Variants in VPS13D observed in about 807,000 individuals in gnomAD.
VPS13D encodes intermembrane lipid transfer protein VPS13D.
In VPS13D, 187 loss-of-function variants were observed where a neutral mutation model predicts 461.9. The observed-to-expected ratio is 0.40, with a 90% CI of 0.36 to 0.46. The LOEUF is 0.46. Among genes scored for constraint, VPS13D ranks in the 20% least tolerant of loss-of-function variants. The probability of loss-of-function intolerance (pLI) is 0.60; values close to 1 mark genes in which losing one functional copy is unlikely to be tolerated. For missense variants in VPS13D, 4,711 were observed against 5,364.9 expected (o/e 0.88, Z 3.81); for synonymous variants, 1,951 against 1,986.3 (o/e 0.98, Z 0.47).
At chr1:12,268,184 A>G (rs1284976101) in intron 15 of VPS13D, among the ~76,000 whole-genome samples, 1 of 150,292 alleles carries the variant, frequency 6.7e-6, no homozygotes, top group African/African-American at 2.5e-5. Flanking sequence ...TCCTGAGCTC[A>G]AGCCACCCAC....
intron 67 of VPS13D, 62 bp downstream of exon 67, chr1:12,460,458 T>A: frequency 6.9e-7 from 1 of 1,443,482 alleles, no homozygotes. Flanking sequence ...CTTCTCCTAA[T>A]CCATACTGAT....
chr1:12,387,659 G>A lies in VPS13D; in HGVS notation c.11634+1325G>A, dbSNP rs552321397. ...TAACTGTATTCTCTGTGTTCAAAAG[G>A]TTAAGTAGCAATATGGAAGACATAA... On this transcript the variant is annotated intron_variant, in intron 60 of 69. Coordinates refer to ENST00000620676, the MANE Select transcript of VPS13D (RefSeq NM_015378.4). 2.0e-5 allele frequency among the ~76,000 whole-genome samples: 3 copies of A among 152,304 alleles called. No individual in the cohort carries two copies. The East Asian group carries it at 5.8e-4, about 29-fold the overall frequency.
chr1:12,363,351 A>G (rs1421334085), intron 52 of VPS13D, 104 bp downstream of exon 52: 6 of 1,271,646 alleles, frequency 4.7e-6, no homozygotes, highest in Non-Finnish European at 6.5e-6. Flanking sequence ...TTTCTGGCTC[A>G]GACAGAGGTC....
At chr1:12,317,959 A>C (rs1642933982) in intron 30 of VPS13D, 113 bp from the exon 31 acceptor site, 3 of 1,047,518 alleles carry the variant, frequency 2.9e-6, no homozygotes, top group Admixed American at 2.3e-5. Context: ...CAAAGCAGGC[A>C]GTTTGGAAAA....
chr1:12,405,282 G>A (rs1218812978), intron 63 of VPS13D, among the ~76,000 whole-genome samples: 1 of 152,172 alleles, frequency 6.6e-6, no homozygotes. Context: ...ATTTTTATGT[G>A]GAATCTCCTG....
intron 61 of VPS13D, among the ~76,000 whole-genome samples, chr1:12,400,635 A>G (rs899431157): frequency 6.6e-6 from 1 of 152,152 alleles, no homozygotes; most frequent in Non-Finnish European, 1.5e-5. Flanking sequence ...AGGACCAGGC[A>G]TGATCCAGAT....
chr1:12,342,738 A>G (rs1643597397), intron 41 of VPS13D, 161 bp from the exon 42 acceptor site: 3 of 696,802 alleles, frequency 4.3e-6, no homozygotes, highest in South Asian at 3.6e-5. Context: ...GAAGATAGCT[A>G]TAGTTAGCGA....
chr1:12,249,497 A>T lies in VPS13D; in HGVS notation c.564+158A>T, dbSNP rs1034861793. 8 of 506,764 alleles carry T rather than the reference A, an allele frequency of 1.6e-5. No individual in the cohort carries two copies. In the African/African-American group the frequency reaches 1.6e-4, roughly 10 times the overall value. The allele number at this position is 506,764 out of a possible 1,614,324, so 31.4% of individuals were successfully genotyped here. A position where few individuals can be genotyped will look rare whatever the true frequency, so the allele number is the denominator to read the frequency against. ...TCTCTTGTGTATTTGCAACAAATCAAATTTGCTGAAATAGGGAAACAGGTA... is the reference window on the plus strand; with the variant it reads ...TCTCTTGTGTATTTGCAACAAATCATATTTGCTGAAATAGGGAAACAGGTA... On this transcript the variant is annotated intron_variant, in intron 6 of 69. Transcript: ENST00000620676.
chr1:12,249,830 T>C (rs992962953), intron 6 of VPS13D, among the ~76,000 whole-genome samples: 1 of 152,190 alleles, frequency 6.6e-6, no homozygotes, highest in African/African-American at 2.4e-5. Flanking sequence ...GTGAGGATTT[T>C]CCCCCACACG....
At chr1:12,332,485 G>T (rs1643356391) in intron 37 of VPS13D, among the ~76,000 whole-genome samples, 1 of 152,138 alleles carries the variant, frequency 6.6e-6, no homozygotes, top group South Asian at 2.1e-4. Context: ...TGCGCATGGG[G>T]ATTCCATTTA....
At chr1:12,262,460 G>T (rs933283264) in intron 13 of VPS13D, among the ~76,000 whole-genome samples, 2 of 152,150 alleles carry the variant, frequency 1.3e-5, no homozygotes, top group Non-Finnish European at 2.9e-5. Flanking sequence ...CTTTTCCTGG[G>T]CTAGAGATAG....
intron 65 of VPS13D, among the ~76,000 whole-genome samples, chr1:12,451,336 C>A (rs1337064911): frequency 6.6e-6 from 1 of 152,048 alleles, no homozygotes; most frequent in Non-Finnish European, 1.5e-5. Flanking sequence ...AGATTTTTAC[C>A]CCCTTGCTGA....
intron 67 of VPS13D, among the ~76,000 whole-genome samples, chr1:12,482,911 C>T (rs977958889): frequency 6.6e-6 from 1 of 151,926 alleles, no homozygotes; most frequent in Non-Finnish European, 1.5e-5. Flanking sequence ...TCATTTTTAA[C>T]ATTTACATAA....
chr1:12,346,657 G>A lies in VPS13D; in HGVS notation c.9069+5G>A, dbSNP rs2101585280. ...ATTATACATCCCCAGGTTTATGTAA[G>A]TATGATTTTCCTGTTGTCATTGTGT... On this transcript the variant is annotated splice_donor_5th_base_variant and intron_variant, in intron 44 of 69. Transcript: ENST00000620676. The A allele has an allele frequency of 1.2e-6, 2 of 1,612,428 alleles. No homozygotes were observed. Among genetic ancestry groups the A allele is most frequent in the Middle Eastern group, 1.7e-4 (1 of 6,052 alleles).
intron 21 of VPS13D, among the ~76,000 whole-genome samples, chr1:12,286,582 C>T (rs926075645): frequency 2.6e-5 from 4 of 152,172 alleles, no homozygotes; most frequent in African/African-American, 9.6e-5. Flanking sequence ...TGTTTGACTT[C>T]TTTTATCCTC....
chr1:12,259,559 C>T (rs542011107), intron 10 of VPS13D, among the ~76,000 whole-genome samples: 6 of 152,248 alleles, frequency 3.9e-5, no homozygotes, highest in African/African-American at 1.4e-4. Context: ...CCGCTTTGGC[C>T]TCCCAAAGTG....
chr1:12,507,614 T>G lies in VPS13D; in HGVS notation c.13035+521T>G, dbSNP rs1326655865. Among the ~76,000 whole-genome samples, 1 of 152,240 alleles carries G rather than the reference T, an allele frequency of 6.6e-6. No individual in the cohort carries two copies. The highest frequency in any genetic ancestry group is 2.4e-5 in the African/African-American group (1 of 41,466). ...GGACAAGGTATTGTTATGACAAGGCTTTTAAATAATAAAGCTCCTGCGAAT... is the reference window on the plus strand; with the variant it reads ...GGACAAGGTATTGTTATGACAAGGCGTTTAAATAATAAAGCTCCTGCGAAT... On this transcript the variant is annotated intron_variant, in intron 69 of 69. Coordinates refer to ENST00000620676, the MANE Select transcript of VPS13D (RefSeq NM_015378.4). The surrounding 1 kb of genome is among the most constrained non-coding windows in gnomAD (Gnocchi z 5.3).
At chr1:12,294,195 A>G (rs1642209672) in intron 24 of VPS13D, among the ~76,000 whole-genome samples, 1 of 152,252 alleles carries the variant, frequency 6.6e-6, no homozygotes, top group African/African-American at 2.4e-5. Flanking sequence ...TAGGTGTTTG[A>G]AAAAATAATA....
intron 67 of VPS13D, among the ~76,000 whole-genome samples, chr1:12,490,288 C>G (rs1645859155): frequency 1.3e-5 from 2 of 152,172 alleles, no homozygotes; most frequent in Non-Finnish European, 2.9e-5. Context: ...TCTGCCCAAC[C>G]TATTTTCCAT....
Sources: allele counts gnomAD v4.1 joint callset (sites outside exome capture counted in the v4.1 genomes callset), GRCh38; gene constraint gnomAD v4.1.1; non-coding constraint Gnocchi (gnomAD v3.1); transcripts MANE v1.5; gene names NCBI Gene and HGNC (gene_info 2026-07-23, HGNC 2026-07-21).